Variants in CLSTN2 observed in about 807,000 individuals in gnomAD.
CLSTN2 encodes the protein calsyntenin-2.
A neutral mutation model predicts 101.2 loss-of-function variants in CLSTN2; 48 were observed. The ratio of observed to expected loss-of-function variants is 0.47; its 90% CI spans 0.38 to 0.60. The LOEUF (loss-of-function observed/expected upper bound fraction) is 0.60, where lower values mean the gene tolerates loss of function less well. Ranked by LOEUF, CLSTN2 falls within the 20% of genes least tolerant of loss-of-function variation. The pLI is 0.00. For synonymous variants in CLSTN2, 481 were observed against 463.6 expected, an observed-to-expected ratio of 1.04 and a Z score of -0.48; for missense variants, 1,160 against 1,238.2, an observed-to-expected ratio of 0.94 and a Z score of 0.95.
At chr3:139,941,903 C>T (rs1056010627) in intron 1 of CLSTN2, among the ~76,000 whole-genome samples, 6 of 152,210 alleles carry the variant, frequency 3.9e-5, no homozygotes, top group Non-Finnish European at 5.9e-5. Context: ...GTTTGATCCT[C>T]GTACCAACCC....
At chr3:140,104,498 G>C (rs912097832) in intron 1 of CLSTN2, among the ~76,000 whole-genome samples, 1 of 152,190 alleles carries the variant, frequency 6.6e-6, no homozygotes, top group Admixed American at 6.5e-5. Context: ...TAAGACTATA[G>C]TAGTGTTAGT....
At chr3:140,076,653 T>TTTTTTC (rs1491412394) in intron 1 of CLSTN2, among the ~76,000 whole-genome samples, 6 of 107,696 alleles carry the variant, frequency 5.6e-5, no homozygotes, top group South Asian at 7.5e-4. Context: ...TTTTTTTTTT[T>TTTTTTC]CCTAGCCTTC....
At chr3:140,310,281 C>T (rs1457886314) in intron 2 of CLSTN2, among the ~76,000 whole-genome samples, 1 of 152,076 alleles carries the variant, frequency 6.6e-6, no homozygotes, top group Non-Finnish European at 1.5e-5. Flanking sequence ...GCCCCCACCG[C>T]ACCCCCTCCC....
chr3:140,278,294 GC>G (rs1286710499), intron 2 of CLSTN2, among the ~76,000 whole-genome samples: 1 of 152,106 alleles, frequency 6.6e-6, no homozygotes, highest in African/African-American at 2.4e-5. Context: ...CTCACACAGG[GC>G]CCCGCCTCTT....
chr3:140,433,106 T>C (rs753273961), intron 5 of CLSTN2, among the ~76,000 whole-genome samples: 9 of 152,178 alleles, frequency 5.9e-5, no homozygotes, highest in Non-Finnish European at 2.9e-5. Context: ...AACACTGCCA[T>C]CTTTTGAGGC....
chr3:140,087,418 A>T (rs1224570023), intron 1 of CLSTN2, among the ~76,000 whole-genome samples: 1 of 152,140 alleles, frequency 6.6e-6, no homozygotes, highest in Admixed American at 6.5e-5. Context: ...AATTTGTAAT[A>T]CCTCTGCCCT....
rs768540600 is a variant in CLSTN2, at chr3:140,176,062, T to C, written c.221T>C (p.Val74Ala). 2 of 1,613,824 alleles carry C rather than the reference T, an allele frequency of 1.2e-6. No homozygotes were observed. The highest frequency in any genetic ancestry group is 8.5e-7 in the Non-Finnish European group (1 of 1,179,830). The change falls in exon 2 of 17, where the codon GTT becomes GCT. Residue 74 changes from valine (V) to alanine (A), a missense_variant. Val to Ala is a moderately conservative substitution (Grantham distance 64, BLOSUM62 0). Coordinates refer to ENST00000458420, the MANE Select transcript of CLSTN2 (RefSeq NM_022131.3). ...PLVALDKDAP[V>A]PFAGEICAFK... The stretch of plus-strand genomic sequence containing the variant: ...GTAGCCCTGGATAAAGATGCACCGG[T>C]TCCTTTTGCAGGTGAGATTATGGCT...
At chr3:140,026,064 C>T (rs1442774988) in intron 1 of CLSTN2, among the ~76,000 whole-genome samples, 1 of 152,140 alleles carries the variant, frequency 6.6e-6, no homozygotes, top group Non-Finnish European at 1.5e-5. Flanking sequence ...ATCTGCTCTC[C>T]AGGATCTCTC....
intron 1 of CLSTN2, among the ~76,000 whole-genome samples, chr3:139,982,993 TA>T (rs1163830992): frequency 6.7e-6 from 1 of 150,374 alleles, no homozygotes; most frequent in African/African-American, 2.4e-5. Context: ...ATAGTGTATA[TA>T]TATAATCTGG....
chr3:140,508,383 A>G (rs1934726815), intron 8 of CLSTN2: 1 of 152,152 alleles, frequency 6.6e-6, no homozygotes. Flanking sequence ...CTCTTAATGC[A>G]ATCATTTGTT....
chr3:140,133,269 G>A (rs1285903745), intron 1 of CLSTN2, among the ~76,000 whole-genome samples: 3 of 152,124 alleles, frequency 2.0e-5, no homozygotes, highest in African/African-American at 4.8e-5. Context: ...CAAGCCATTC[G>A]TGAGGGATCC....
intron 2 of CLSTN2, among the ~76,000 whole-genome samples, chr3:140,299,653 TACATCCCA>T (rs1241547661): frequency 6.6e-6 from 1 of 152,192 alleles, no homozygotes; most frequent in African/African-American, 2.4e-5. Flanking sequence ...GCTATTGACT[TACATCCCA>T]CTTTGCTCTG....
At position 140,320,236 on chromosome 3, in the gene CLSTN2, T is replaced by TCA. The variant is rs146618975; in HGVS notation, c.233-83390_233-83389dup. 2.4e-3 allele frequency among the ~76,000 whole-genome samples: 371 copies of TCA among 152,296 alleles called. 2 individuals are homozygous for TCA. Among genetic ancestry groups the TCA allele is most frequent in the Non-Finnish European group, 4.5e-3 (305 of 68,022 alleles). On this transcript the variant is annotated intron_variant, in intron 2 of 16. Coordinates refer to ENST00000458420, the MANE Select transcript of CLSTN2 (RefSeq NM_022131.3). ...AGGACAACTGCCCTCCTGGAGAACG[T>TCA]CACAGACTCTGGGCACTGGGGGGCC...
intron 2 of CLSTN2, among the ~76,000 whole-genome samples, chr3:140,182,175 T>A (rs2010418078): frequency 6.6e-6 from 1 of 152,218 alleles, no homozygotes. Flanking sequence ...AACATCAAGC[T>A]AGAATTTTAA....
intron 1 of CLSTN2, among the ~76,000 whole-genome samples, chr3:140,143,566 T>A (rs1296984689): frequency 6.6e-6 from 1 of 152,208 alleles, no homozygotes; most frequent in Admixed American, 6.5e-5. Flanking sequence ...AATAATGGTT[T>A]ACGAGCTATC....
chr3:140,189,852 G>A (rs1057388947), intron 2 of CLSTN2, among the ~76,000 whole-genome samples: 1 of 152,046 alleles, frequency 6.6e-6, no homozygotes. Flanking sequence ...AAATCAGCAG[G>A]GCATCGTCTG....
intron 9 of CLSTN2, among the ~76,000 whole-genome samples, chr3:140,535,326 G>GAATGGAAAT (rs1935336761): frequency 1.3e-5 from 2 of 152,206 alleles, no homozygotes; most frequent in South Asian, 4.1e-4. Context: ...CCATTCCCCG[G>GAATGGAAAT]AAGATATTTC....
chr3:140,238,657 A>G (rs2086435815), intron 2 of CLSTN2, among the ~76,000 whole-genome samples: 1 of 152,208 alleles, frequency 6.6e-6, no homozygotes. Flanking sequence ...CAGCACACTC[A>G]TTATGAGATC....
intron 1 of CLSTN2, among the ~76,000 whole-genome samples, chr3:140,024,068 A>G (rs969240128): frequency 1.1e-4 from 17 of 152,176 alleles, no homozygotes; most frequent in African/African-American, 3.4e-4. Flanking sequence ...TAATTGCATA[A>G]TGTAGCCAAT....
Sources: allele counts gnomAD v4.1 joint callset (sites outside exome capture counted in the v4.1 genomes callset), GRCh38; gene constraint gnomAD v4.1.1; transcripts MANE v1.5; gene names NCBI Gene and HGNC (gene_info 2026-07-23, HGNC 2026-07-21).